Variants in WDR4 observed in about 807,000 individuals in gnomAD.
WDR4 encodes tRNA (guanine-N(7)-)-methyltransferase non-catalytic subunit WDR4.
WDR4 carries 47 observed loss-of-function variants against 48.6 expected under a neutral mutation model. The observed-to-expected ratio is 0.97, with a 90% CI of 0.77 to 1.23. WDR4 has a LOEUF of 1.23. Ranked by LOEUF, WDR4 falls within the 50% of genes most tolerant of loss-of-function variation. The pLI, the probability that WDR4 is intolerant of heterozygous loss-of-function variation, is 0.00. For missense variants in WDR4, 606 were observed against 551.6 expected, an observed-to-expected ratio of 1.10 and a Z score of -0.99; for synonymous variants, 268 against 230.0, an observed-to-expected ratio of 1.17 and a Z score of -1.49.
At chr21:42,854,176 G>C (rs2057921858) in intron 8 of WDR4, among the ~76,000 whole-genome samples, 1 of 152,228 alleles carries the variant, frequency 6.6e-6, no homozygotes, top group African/African-American at 2.4e-5. Context: ...AGAAGCAGCA[G>C]AACTGCACTC....
At chr21:42,892,707 A>C in the WDR4 span, among the ~76,000 whole-genome samples, 1 of 152,210 alleles carries the variant, frequency 6.6e-6, no homozygotes, top group Non-Finnish European at 1.5e-5. Flanking sequence ...TTGCTAAATA[A>C]ACATTTAGGT....
chr21:42,846,562 G>C (rs1234338923), downstream of WDR4, among the ~76,000 whole-genome samples: 1 of 152,220 alleles, frequency 6.6e-6, no homozygotes, highest in Non-Finnish European at 1.5e-5. Context: ...AATGAAGAAA[G>C]ACGGGCTGGG....
At chr21:42,846,418 C>T (rs533622687), downstream of WDR4, among the ~76,000 whole-genome samples, 16 of 152,268 alleles carry the variant, frequency 1.1e-4, 1 homozygote, top group Admixed American at 5.2e-4. Context: ...GGAACATGGG[C>T]GTGGGGGCTT....
intron 1 of WDR4, among the ~76,000 whole-genome samples, chr21:42,877,136 T>C (rs2058510598): frequency 8.1e-6 from 1 of 123,556 alleles, no homozygotes; most frequent in Non-Finnish European, 1.7e-5. Flanking sequence ...CGCCTGGCCC[T>C]AATTTTTTTT....
chr21:42,850,299 ACCACAGCGGGCC>A, intron 10 of WDR4, 57 bp from the exon 11 acceptor site: 1 of 1,474,820 alleles, frequency 6.8e-7, no homozygotes, highest in East Asian at 2.4e-5. Context: ...GGACTCGGCC[ACCACAGCGGGCC>A]CCCTGCAGCA....
rs368468359 is a variant in WDR4, at chr21:42,853,103, G to A, written c.975+466C>T. 3.5e-4 allele frequency among the ~76,000 whole-genome samples: 53 copies of A among 152,156 alleles called. No individual in the cohort carries two copies. The East Asian group carries it at 7.0e-3, about 20-fold the overall frequency. On this transcript the variant is annotated intron_variant, in intron 9 of 10. Coordinates refer to ENST00000398208, the MANE Select transcript of WDR4 (RefSeq NM_018669.6). ...CAGCAAGGAAGCAGCTCGGCCCGCC[G>A]CCCTCGCCCAGAGACCCCACTGTCT...
intron 3 of WDR4, among the ~76,000 whole-genome samples, chr21:42,865,066 G>T (rs960962519): frequency 6.6e-6 from 1 of 152,192 alleles, no homozygotes. Flanking sequence ...TTTCTCTCAG[G>T]GGCAGAGGGA....
chr21:42,879,636 G>T, upstream of WDR4: 2 of 1,061,394 alleles, frequency 1.9e-6, no homozygotes, highest in Non-Finnish European at 2.7e-6. Flanking sequence ...AGCCTGCCTT[G>T]AGCATGCGTG....
intron 3 of WDR4, among the ~76,000 whole-genome samples, chr21:42,867,510 GAA>G (rs2058275673): frequency 6.6e-6 from 1 of 152,086 alleles, no homozygotes; most frequent in Admixed American, 6.5e-5. Flanking sequence ...TGCTCGGGAC[GAA>G]AAGTGCTTTG....
chr21:42,885,720 GTCCCCAGGCTGT>G, the WDR4 span, among the ~76,000 whole-genome samples: 2 of 152,096 alleles, frequency 1.3e-5, no homozygotes, highest in Non-Finnish European at 1.5e-5. Flanking sequence ...TATTAAATCT[GTCCCCAGGCTGT>G]TCCCCAGGCT....
At chr21:42,868,691 G>A (rs2146077726) in intron 3 of WDR4, among the ~76,000 whole-genome samples, 1 of 152,336 alleles carries the variant, frequency 6.6e-6, no homozygotes, top group South Asian at 2.1e-4. Flanking sequence ...GCAGGGGCCT[G>A]GGGCCACAAG....
At chr21:42,853,523 T>C (rs747061644) in intron 9 of WDR4, 46 bp downstream of exon 9, 57 of 1,571,994 alleles carry the variant, frequency 3.6e-5, no homozygotes, top group Non-Finnish European at 4.2e-5. Flanking sequence ...CCCCCAGGCT[T>C]ATGGAAAGGC....
intron 6 of WDR4, 114 bp downstream of exon 6, chr21:42,859,548 C>A: frequency 7.7e-7 from 1 of 1,294,262 alleles, no homozygotes; most frequent in Non-Finnish European, 1.1e-6. Context: ...TAGTGGACAG[C>A]CACAGCCAGC....
At chr21:42,856,967 A>T (rs190784444) in intron 6 of WDR4, among the ~76,000 whole-genome samples, 2 of 152,294 alleles carry the variant, frequency 1.3e-5, no homozygotes, top group East Asian at 3.9e-4. Context: ...AGCCGCGGAG[A>T]GACAGCAAGG....
At chr21:42,851,073 G>A (rs989151183) in intron 10 of WDR4, among the ~76,000 whole-genome samples, 7 of 152,306 alleles carry the variant, frequency 4.6e-5, no homozygotes, top group Middle Eastern at 3.4e-3. Flanking sequence ...AGTCTGCGCC[G>A]GGAACAGGCT....
chr21:42,855,937 C>T (rs747574534), intron 6 of WDR4, among the ~76,000 whole-genome samples, 157 bp from the exon 7 acceptor site: 6 of 152,240 alleles, frequency 3.9e-5, no homozygotes, highest in Admixed American at 3.9e-4. Flanking sequence ...CTGTGTAAAT[C>T]GCTCATGCAA....
chr21:42,849,745 A>C lies in WDR4; in HGVS notation c.*304T>G. On this transcript the variant is annotated 3_prime_UTR_variant, in exon 11 of 11. Transcript: ENST00000398208. ...CGAAGGGCGGTATGAGAACAGGAGA[A>C]ACACAGACAGCTGCCGCCACCACCG... The C allele has an allele frequency of 3.1e-6, 1 of 325,626 alleles. No individual in the cohort carries two copies. Among genetic ancestry groups the C allele is most frequent in the Non-Finnish European group, 5.6e-6 (1 of 177,690 alleles). 20.2% of individuals were successfully genotyped at this position (325,626 alleles called of 1,614,324 possible).
rs1254030362 is a variant in WDR4 at position 42,855,664 on chromosome 21, G to A, written c.726+18C>T. On this transcript the variant is annotated intron_variant, in intron 7 of 10. Coordinates refer to ENST00000398208, the MANE Select transcript of WDR4 (RefSeq NM_018669.6). ...TCTACAAGCACTCAGTCGCCCAGGA[G>A]TGAACAGAAGCAGCTACCTGGGGGG... 1.3e-6 allele frequency: 2 copies of A among 1,537,304 alleles called. No homozygotes were observed. The highest frequency in any genetic ancestry group is 1.4e-5 in the African/African-American group (1 of 72,930).
chr21:42,863,499 G>A lies in WDR4; in HGVS notation c.394C>T (p.Leu132=). 6.2e-7 allele frequency: 1 copy of A among 1,614,006 alleles called. No individual in the cohort carries two copies. Among genetic ancestry groups the A allele is most frequent in the Non-Finnish European group, 8.5e-7 (1 of 1,179,968 alleles). Residue 132 remains leucine, a synonymous_variant, in exon 4 of 11, where the codon CTG becomes TTG. Coordinates refer to ENST00000398208, the MANE Select transcript of WDR4 (RefSeq NM_018669.6). ...KSGDVYSFSV[L]EPHGCGRLEL... ...AGACGGCCACACCCGTGTGGCTCCA[G>A]CACCGAAAAGGAGTAGACGTCTCCA...
Sources: gnomAD v4.1 joint callset for allele counts (sites outside exome capture counted in the v4.1 genomes callset) on GRCh38, gnomAD v4.1.1 for gene constraint, MANE v1.5 for transcripts, NCBI Gene and HGNC (gene_info 2026-07-23, HGNC 2026-07-21) for gene names.